The following SGCZ variants were observed in gnomAD, a reference collection of about 807,000 sequenced individuals.
SGCZ encodes the protein zeta-sarcoglycan.
In SGCZ, 40 loss-of-function variants were observed where a neutral mutation model predicts 41.3. The observed-to-expected ratio is 0.97, with a 90% CI of 0.75 to 1.26. The LOEUF (loss-of-function observed/expected upper bound fraction) is 1.26, where lower values mean the gene tolerates loss of function less well. Ranked by LOEUF, SGCZ falls within the 50% of genes most tolerant of loss-of-function variation. The probability of loss-of-function intolerance (pLI) is 0.00; values close to 1 mark genes in which losing one functional copy is unlikely to be tolerated. For missense variants in SGCZ, 552 were observed against 369.8 expected, an observed-to-expected ratio of 1.49 and a Z score of -4.04; for synonymous variants, 206 against 137.5, an observed-to-expected ratio of 1.50 and a Z score of -3.49.
At chr8:14,428,779 C>T (rs949579146) in intron 2 of SGCZ, among the ~76,000 whole-genome samples, 2 of 152,118 alleles carry the variant, frequency 1.3e-5, no homozygotes, top group Non-Finnish European at 2.9e-5. Flanking sequence ...GGTCAGAAGC[C>T]ACACTTTCAC....
At chr8:14,677,741 A>G (rs1585175409) in intron 1 of SGCZ, among the ~76,000 whole-genome samples, 2 of 152,238 alleles carry the variant, frequency 1.3e-5, no homozygotes, top group East Asian at 3.9e-4. Context: ...AGTAAACTCC[A>G]GTATGGGCAA....
intron 1 of SGCZ, among the ~76,000 whole-genome samples, chr8:14,987,426 T>C (rs934291134): frequency 2.6e-5 from 4 of 152,004 alleles, no homozygotes; most frequent in African/African-American, 9.7e-5. Context: ...TGATGCATTT[T>C]ATAGTATCAG....
chr8:15,050,379 C>A (rs1361587596), intron 1 of SGCZ, among the ~76,000 whole-genome samples: 2 of 152,248 alleles, frequency 1.3e-5, no homozygotes, highest in African/African-American at 2.4e-5. Context: ...ATTTATGGCA[C>A]TTATGACCTT....
chr8:14,387,577 T>C (rs937766048), intron 2 of SGCZ, among the ~76,000 whole-genome samples: 4 of 152,186 alleles, frequency 2.6e-5, no homozygotes, highest in African/African-American at 9.6e-5. Flanking sequence ...GGTTTTTAAA[T>C]ATTAAGACAA....
intron 1 of SGCZ, among the ~76,000 whole-genome samples, chr8:15,195,027 T>G (rs568184063): frequency 1.3e-5 from 2 of 152,330 alleles, no homozygotes; most frequent in African/African-American, 4.8e-5. Context: ...CTTATTATCT[T>G]AGCATCTATT....
intron 2 of SGCZ, among the ~76,000 whole-genome samples, chr8:14,338,171 G>C (rs1802565769): frequency 1.3e-5 from 2 of 152,108 alleles, no homozygotes; most frequent in Non-Finnish European, 2.9e-5. Flanking sequence ...AGCAAATTTT[G>C]ACAGTAAATG....
intron 1 of SGCZ, among the ~76,000 whole-genome samples, chr8:14,619,941 T>C (rs190324313): frequency 0.011 from 1,617 of 152,182 alleles, 24 homozygotes; most frequent in African/African-American, 0.037. Context: ...AAAAACTACT[T>C]TAAAGTTCAT....
At chr8:14,530,637 C>T (rs917504394) in intron 2 of SGCZ, among the ~76,000 whole-genome samples, 4 of 151,786 alleles carry the variant, frequency 2.6e-5, no homozygotes, top group Non-Finnish European at 5.9e-5. Context: ...AATGAATCAT[C>T]AAAAACCAGT....
chr8:14,177,067 C>T (rs541687105), intron 4 of SGCZ, among the ~76,000 whole-genome samples: 3 of 152,158 alleles, frequency 2.0e-5, no homozygotes, highest in South Asian at 2.1e-4. Flanking sequence ...AGAGAGTAAG[C>T]GATGAGTCAC....
At chr8:14,253,242 G>C (rs1799347398) in intron 3 of SGCZ, among the ~76,000 whole-genome samples, 2 of 89,884 alleles carry the variant, frequency 2.2e-5, no homozygotes, top group South Asian at 2.9e-4. Context: ...GTTGTGTGTA[G>C]GGTGTGTGTG....
chr8:14,554,597 T>G, intron 2 of SGCZ, 135 bp downstream of exon 2: 2 of 739,810 alleles, frequency 2.7e-6, no homozygotes, highest in Non-Finnish European at 4.2e-6. Flanking sequence ...AAATAAAATA[T>G]TATTTTCTTT....
At chr8:15,195,623 G>A (rs1047878097) in intron 1 of SGCZ, among the ~76,000 whole-genome samples, 1 of 152,144 alleles carries the variant, frequency 6.6e-6, no homozygotes, top group African/African-American at 2.4e-5. Flanking sequence ...AATTCCATTA[G>A]TGTGCCACCC....
chr8:14,863,918 G>A (rs538416356), intron 1 of SGCZ, among the ~76,000 whole-genome samples: 30 of 152,102 alleles, frequency 2.0e-4, no homozygotes, highest in Non-Finnish European at 3.5e-4. Context: ...GTCTTGCATG[G>A]AAGAAATGAC....
At chr8:14,843,911 A>G (rs1032921125) in intron 1 of SGCZ, among the ~76,000 whole-genome samples, 1 of 151,986 alleles carries the variant, frequency 6.6e-6, no homozygotes, top group African/African-American at 2.4e-5. Flanking sequence ...TCTGATGAAC[A>G]CTGTACTATG....
At chr8:14,493,700 C>G (rs1801911180) in intron 2 of SGCZ, among the ~76,000 whole-genome samples, 1 of 151,892 alleles carries the variant, frequency 6.6e-6, no homozygotes, top group Non-Finnish European at 1.5e-5. Context: ...AGCTCTTAAT[C>G]TTGTTTTGGT....
At chr8:14,365,970 C>A (rs576638860) in intron 2 of SGCZ, among the ~76,000 whole-genome samples, 3 of 147,808 alleles carry the variant, frequency 2.0e-5, no homozygotes, top group South Asian at 2.1e-4. Context: ...GAACCTATTT[C>A]TGTCTTTGTT....
chr8:14,895,576 A>G (rs978472913), intron 1 of SGCZ, among the ~76,000 whole-genome samples: 7 of 152,216 alleles, frequency 4.6e-5, no homozygotes, highest in South Asian at 4.1e-4. Context: ...AATCTGGAAG[A>G]TCAAAGAAGA....
At chr8:14,098,296 C>G (rs376938708) in intron 7 of SGCZ, among the ~76,000 whole-genome samples, 7 of 152,224 alleles carry the variant, frequency 4.6e-5, no homozygotes, top group African/African-American at 1.2e-4. Flanking sequence ...TGAATTTGTT[C>G]TATTTTTTTA....
intron 5 of SGCZ, among the ~76,000 whole-genome samples, chr8:14,143,790 A>T (rs1803443190): frequency 1.3e-5 from 2 of 152,110 alleles, no homozygotes; most frequent in Admixed American, 1.3e-4. Flanking sequence ...CACCCTCCCT[A>T]CATCTCTGCA....
Sources: allele counts gnomAD v4.1 joint callset (sites outside exome capture counted in the v4.1 genomes callset), GRCh38; gene constraint gnomAD v4.1.1; transcripts MANE v1.5; gene names NCBI Gene and HGNC (gene_info 2026-07-23, HGNC 2026-07-21).